PRKACB: variants seen among roughly 807,000 people sequenced by gnomAD.
The protein encoded by PRKACB is cAMP-dependent protein kinase catalytic subunit beta.
A neutral mutation model predicts 51.4 loss-of-function variants in PRKACB; 16 were observed. The ratio of observed to expected loss-of-function variants is 0.31; its 90% confidence interval spans 0.21 to 0.47. The LOEUF (loss-of-function observed/expected upper bound fraction) is 0.47, where lower values mean the gene tolerates loss of function less well. Ranked by LOEUF, PRKACB falls within the 20% of genes least tolerant of loss-of-function variation. The pLI is 1.00. For synonymous variants in PRKACB, 147 were observed against 154.4 expected, an observed-to-expected ratio of 0.95 and a Z score of 0.35; for missense variants, 309 against 464.5, an observed-to-expected ratio of 0.67 and a Z score of 3.08.
upstream of PRKACB, among the ~76,000 whole-genome samples, chr1:84,140,970 A>C (rs1234053971): frequency 6.6e-6 from 1 of 152,134 alleles, no homozygotes; most frequent in African/African-American, 2.4e-5. Context: ...CAGTAATTTC[A>C]CAATGGTTTT....
intron 8 of PRKACB, among the ~76,000 whole-genome samples, chr1:84,213,531 G>A (rs965152672): frequency 6.6e-6 from 1 of 152,124 alleles, no homozygotes; most frequent in Non-Finnish European, 1.5e-5. Flanking sequence ...TAATTGTAAA[G>A]TCTTCACAAT....
chr1:84,198,043 A>G (rs377676661), intron 7 of PRKACB, among the ~76,000 whole-genome samples: 96 of 152,220 alleles, frequency 6.3e-4, no homozygotes, highest in African/African-American at 2.2e-3. Flanking sequence ...TAGAGATATA[A>G]TATGAATAAA....
chr1:84,198,919 G>A (rs1238902418), intron 7 of PRKACB, among the ~76,000 whole-genome samples: 1 of 145,916 alleles, frequency 6.9e-6, no homozygotes, highest in Non-Finnish European at 1.5e-5. Flanking sequence ...TGTGTGGTGT[G>A]TGTGTATATA....
rs1412279375 is a variant in PRKACB at position 84,096,989 on chromosome 1, G to A, written c.46+18618G>A. Among the ~76,000 whole-genome samples, 5 of 152,154 alleles carry A rather than the reference G, an allele frequency of 3.3e-5. No individual in the cohort carries two copies. The East Asian group carries it at 9.7e-4, about 29-fold the overall frequency. On this transcript the variant is annotated intron_variant, in intron 1 of 8. Transcript: ENST00000370688. ...CCTGTTTTTGAGCTTTACTTAAGTA[G>A]AATAACAATTATACTGTTTTATATC...
intron 1 of PRKACB, among the ~76,000 whole-genome samples, chr1:84,128,652 A>G (rs551235769): frequency 5.3e-5 from 8 of 152,228 alleles, no homozygotes; most frequent in African/African-American, 1.4e-4. Flanking sequence ...AATTTTATGT[A>G]TATTCTCTTA....
chr1:84,108,293 G>C (rs1167018905), intron 1 of PRKACB, among the ~76,000 whole-genome samples: 1 of 147,432 alleles, frequency 6.8e-6, no homozygotes, highest in Admixed American at 6.8e-5. Flanking sequence ...TGGACAGAAA[G>C]ATGGGAACAA....
intron 9 of PRKACB, among the ~76,000 whole-genome samples, chr1:84,223,507 G>A (rs1201919212): frequency 1.3e-5 from 2 of 151,458 alleles, no homozygotes; most frequent in Non-Finnish European, 2.9e-5. Context: ...TAGCTGGGAC[G>A]ACAGGCACCC....
At chr1:84,134,692 C>T (rs1190273113) in intron 1 of PRKACB, among the ~76,000 whole-genome samples, 2 of 152,076 alleles carry the variant, frequency 1.3e-5, no homozygotes, top group African/African-American at 4.8e-5. Flanking sequence ...AGAATAAAGT[C>T]AACAGTTAGA....
intron 8 of PRKACB, among the ~76,000 whole-genome samples, 186 bp from the exon 9 acceptor site, chr1:84,213,967 A>G (rs1019899374): frequency 6.6e-6 from 1 of 152,214 alleles, no homozygotes; most frequent in African/African-American, 2.4e-5. Context: ...TCATTCACCC[A>G]AGTAATTCTC....
At chr1:84,217,739 G>A (rs573648638) in intron 9 of PRKACB, among the ~76,000 whole-genome samples, 1 of 152,312 alleles carries the variant, frequency 6.6e-6, no homozygotes, top group South Asian at 2.1e-4. Context: ...GCTGCAGTGA[G>A]CCATGATCAT....
At chr1:84,202,964 C>T (rs1343374406) in intron 8 of PRKACB, among the ~76,000 whole-genome samples, 159 bp downstream of exon 8, 1 of 151,932 alleles carries the variant, frequency 6.6e-6, no homozygotes, top group Non-Finnish European at 1.5e-5. Context: ...TGAATCATTT[C>T]AGTCTCTTAA....
chr1:84,091,016 G>T (rs1199117182), intron 1 of PRKACB, among the ~76,000 whole-genome samples: 1 of 151,880 alleles, frequency 6.6e-6, no homozygotes, highest in Non-Finnish European at 1.5e-5. Context: ...TAAAAAACGT[G>T]TACCCCTTTT....
At chr1:84,226,811 A>T (rs568924180) in intron 9 of PRKACB, among the ~76,000 whole-genome samples, 1 of 152,174 alleles carries the variant, frequency 6.6e-6, no homozygotes, top group Admixed American at 6.5e-5. Flanking sequence ...GCCCAAGAAT[A>T]TACTTTCAGG....
At chr1:84,102,429 T>C (rs567840256) in intron 1 of PRKACB, among the ~76,000 whole-genome samples, 1 of 152,060 alleles carries the variant, frequency 6.6e-6, no homozygotes, top group Admixed American at 6.6e-5. Context: ...AAAGAGAATC[T>C]TGTGTGTGGC....
chr1:84,180,204 A>ATATATATATATATATATATATATATATG (rs1347501164), intron 2 of PRKACB, among the ~76,000 whole-genome samples: 1 of 124,028 alleles, frequency 8.1e-6, no homozygotes, highest in African/African-American at 2.9e-5. Flanking sequence ...ATATATATAT[A>ATATATATATATATATATATATATATATG]TATATGTATG....
chr1:84,230,703 G>A (rs1162944527), intron 9 of PRKACB, among the ~76,000 whole-genome samples: 2 of 148,964 alleles, frequency 1.3e-5, no homozygotes, highest in African/African-American at 5.0e-5. Context: ...AATTGTGAAT[G>A]GGAGTTCACT....
chr1:84,207,440 G>A (rs533651191), intron 8 of PRKACB, among the ~76,000 whole-genome samples: 7 of 152,216 alleles, frequency 4.6e-5, no homozygotes, highest in Admixed American at 3.3e-4. Context: ...TGTGGAACTC[G>A]GCACCATATC....
rs564739536 is a variant in PRKACB, at chr1:84,130,250, G to A, written c.47-48927G>A. On this transcript the variant is annotated intron_variant, in intron 1 of 8. Coordinates refer to the PRKACB transcript ENST00000370688. ...CTTTCTCTAATGAGAGACCCTGTAA[G>A]GAAATCCCTGGTGACAAGGAAAAAA... 7.5e-5 allele frequency among the ~76,000 whole-genome samples: 11 copies of A among 147,292 alleles called. No individual in the cohort carries two copies. In the East Asian group the frequency reaches 2.2e-3, roughly 29 times the overall value.
chr1:84,199,130 T>C (rs114480282), intron 7 of PRKACB, among the ~76,000 whole-genome samples: 3,259 of 146,772 alleles, frequency 0.022, 78 homozygotes, highest in African/African-American at 0.058. Flanking sequence ...TATATATATA[T>C]ATACACACAC....
Sources: gnomAD v4.1 joint callset for allele counts (sites outside exome capture counted in the v4.1 genomes callset) on GRCh38, gnomAD v4.1.1 for gene constraint, MANE v1.5 for transcripts, NCBI Gene and HGNC (gene_info 2026-07-23, HGNC 2026-07-21) for gene names.